Variants in GALNT13 observed in about 807,000 individuals in gnomAD.
The protein encoded by GALNT13 is polypeptide N-acetylgalactosaminyltransferase 13.
GALNT13 carries 28 observed loss-of-function variants against 64.2 expected under a neutral mutation model. The observed-to-expected ratio is 0.44, with a 90% CI of 0.32 to 0.60. GALNT13 has a LOEUF of 0.60. GALNT13 is among the 20% of genes least tolerant of loss of function. The pLI is 0.05. For missense variants in GALNT13, 577 were observed against 669.8 expected (o/e 0.86, Z 1.53); for synonymous variants, 214 against 224.6 (o/e 0.95, Z 0.42).
At chr2:153,786,418 G>A in the GALNT13 span, among the ~76,000 whole-genome samples, 1 of 152,062 alleles carries the variant, frequency 6.6e-6, no homozygotes, top group Non-Finnish European at 1.5e-5. Context: ...CTACACGGCT[G>A]AGCATACTCA....
At chr2:153,664,398 T>A in the GALNT13 span, among the ~76,000 whole-genome samples, 1 of 152,200 alleles carries the variant, frequency 6.6e-6, no homozygotes, top group African/African-American at 2.4e-5. Flanking sequence ...CTTATGGTTA[T>A]CTCCCTTGTT....
At chr2:153,621,516 C>T in the GALNT13 span, among the ~76,000 whole-genome samples, 2 of 152,274 alleles carry the variant, frequency 1.3e-5, no homozygotes, top group East Asian at 1.9e-4. Flanking sequence ...CCAGCCATAC[C>T]TGTGTCCTTC....
At chr2:154,019,651 CACAAAA>C (rs1427028732) in intron 3 of GALNT13, among the ~76,000 whole-genome samples, 8 of 125,000 alleles carry the variant, frequency 6.4e-5, no homozygotes, top group Non-Finnish European at 1.4e-4. Flanking sequence ...CACACACACA[CACAAAA>C]GCAAGAAAAA....
the GALNT13 span, among the ~76,000 whole-genome samples, chr2:153,343,174 A>G: frequency 6.6e-6 from 1 of 152,138 alleles, no homozygotes; most frequent in Admixed American, 6.5e-5. Context: ...CACCATAACT[A>G]TGATTACAGG....
the GALNT13 span, among the ~76,000 whole-genome samples, chr2:153,481,800 C>G: frequency 2.0e-5 from 3 of 152,076 alleles, no homozygotes; most frequent in Non-Finnish European, 2.9e-5. Context: ...GAAGTAGGAC[C>G]AGATACTCAA....
the GALNT13 span, among the ~76,000 whole-genome samples, chr2:153,360,133 A>T: frequency 6.6e-6 from 1 of 152,168 alleles, no homozygotes; most frequent in Admixed American, 6.5e-5. Flanking sequence ...AGCTGGCATG[A>T]CCCACAGAGA....
At chr2:153,968,379 A>AGTCCCACACTTCCTTTGCT (rs1412653253) in intron 3 of GALNT13, among the ~76,000 whole-genome samples, 16 of 152,202 alleles carry the variant, frequency 1.1e-4, no homozygotes, top group African/African-American at 3.6e-4. Context: ...TTCAATGCAA[A>AGTCCCACACTTCCTTTGCT]GTCCCACACT....
the GALNT13 span, among the ~76,000 whole-genome samples, chr2:153,801,614 A>T: frequency 1.3e-5 from 2 of 152,140 alleles, no homozygotes; most frequent in Admixed American, 1.3e-4. Flanking sequence ...AACATCAAAG[A>T]TTACTAATCA....
At chr2:153,575,500 T>G in the GALNT13 span, among the ~76,000 whole-genome samples, 2 of 152,170 alleles carry the variant, frequency 1.3e-5, no homozygotes, top group East Asian at 3.9e-4. Context: ...AGGTCCTGTG[T>G]GGGAGTCAGG....
intron 9 of GALNT13, among the ~76,000 whole-genome samples, chr2:154,309,980 C>T (rs1434742419): frequency 3.3e-5 from 5 of 152,204 alleles, no homozygotes; most frequent in African/African-American, 4.8e-5. Context: ...CCAAGAATTC[C>T]ACATACCTGC....
chr2:153,656,161 A>G, the GALNT13 span, among the ~76,000 whole-genome samples: 1 of 152,244 alleles, frequency 6.6e-6, no homozygotes, highest in African/African-American at 2.4e-5. Context: ...GCATGTATTT[A>G]CTTAGCACCT....
At chr2:153,706,879 A>T in the GALNT13 span, among the ~76,000 whole-genome samples, 1 of 152,164 alleles carries the variant, frequency 6.6e-6, no homozygotes, top group East Asian at 1.9e-4. Flanking sequence ...CTTGAGGAAA[A>T]CAAGACTAGT....
At chr2:153,606,727 G>A in the GALNT13 span, among the ~76,000 whole-genome samples, 1 of 151,984 alleles carries the variant, frequency 6.6e-6, no homozygotes, top group African/African-American at 2.4e-5. Flanking sequence ...ATATGGCCCA[G>A]AGTGAAGCCT....
At position 154,183,393 on chromosome 2, in the gene GALNT13, C is replaced by G. The variant is rs1006488307; in HGVS notation, c.311+42888C>G. Among the ~76,000 whole-genome samples the G allele has an allele frequency of 2.6e-5, 4 of 152,024 alleles. 1 individual carries two copies. Among genetic ancestry groups the G allele is most frequent in the Non-Finnish European group, 5.9e-5 (4 of 67,998 alleles). On this transcript the variant is annotated intron_variant, in intron 4 of 12. Transcript: ENST00000392825. ...ATAATTGTATTTATTTGAGTCCTCT[C>G]TCTTTCTCTGTTGTTTAGTCTATCT...
intron 11 of GALNT13, among the ~76,000 whole-genome samples, chr2:154,423,916 G>A (rs936713489): frequency 6.6e-6 from 1 of 152,142 alleles, no homozygotes; most frequent in Admixed American, 6.5e-5. Context: ...CACCCTTGAA[G>A]TGATGGGAAT....
At chr2:153,739,013 G>A in the GALNT13 span, among the ~76,000 whole-genome samples, 1 of 151,794 alleles carries the variant, frequency 6.6e-6, no homozygotes, top group East Asian at 1.9e-4. Flanking sequence ...ATACATCTGT[G>A]TATCTATTCA....
the GALNT13 span, among the ~76,000 whole-genome samples, chr2:153,531,375 T>G: frequency 6.6e-6 from 1 of 151,906 alleles, no homozygotes; most frequent in African/African-American, 2.4e-5. Flanking sequence ...CCACACACTT[T>G]TAAACAATTA....
chr2:153,585,799 A>G, the GALNT13 span, among the ~76,000 whole-genome samples: 1 of 152,162 alleles, frequency 6.6e-6, no homozygotes, highest in Admixed American at 6.5e-5. Flanking sequence ...CAGAAAAAAA[A>G]ACAGGCAAGG....
the GALNT13 span, among the ~76,000 whole-genome samples, chr2:153,085,403 C>T: frequency 2.0e-5 from 3 of 152,126 alleles, no homozygotes; most frequent in Admixed American, 1.3e-4. Context: ...TTCCATCACA[C>T]GCCTGGAGGC....
Sources: gnomAD v4.1 joint callset for allele counts (sites outside exome capture counted in the v4.1 genomes callset) on GRCh38, gnomAD v4.1.1 for gene constraint, MANE v1.5 for transcripts, NCBI Gene and HGNC (gene_info 2026-07-23, HGNC 2026-07-21) for gene names.